INO80D: variants seen among roughly 807,000 people sequenced by gnomAD.
The protein encoded by INO80D is INO80 complex subunit D.
A neutral mutation model predicts 87.6 loss-of-function variants in INO80D; 21 were observed. That is an observed-to-expected ratio of 0.24 (90% CI 0.17 to 0.35). INO80D has a LOEUF of 0.35. Ranked by LOEUF, INO80D falls within the 10% of genes least tolerant of loss-of-function variation. The probability of loss-of-function intolerance (pLI) is 1.00; values close to 1 mark genes in which losing one functional copy is unlikely to be tolerated. For missense variants in INO80D, 982 were observed against 1,280.7 expected (o/e 0.77, Z 3.56); for synonymous variants, 440 against 491.0 (o/e 0.90, Z 1.37).
intron 8 of INO80D, among the ~76,000 whole-genome samples, chr2:206,016,725 C>T (rs193208332): frequency 1.8e-4 from 28 of 152,254 alleles, no homozygotes; most frequent in African/African-American, 5.3e-4. Context: ...AATTATGGGG[C>T]AGGTCTTTCC....
At chr2:206,034,839 GA>G (rs931381294) in intron 5 of INO80D, among the ~76,000 whole-genome samples, 1 of 152,046 alleles carries the variant, frequency 6.6e-6, no homozygotes, top group Non-Finnish European at 1.5e-5. Context: ...GTTTACCCTT[GA>G]AAACCATTAA....
chr2:206,036,878 A>G (rs918290711), intron 5 of INO80D, among the ~76,000 whole-genome samples: 6 of 152,206 alleles, frequency 3.9e-5, no homozygotes, highest in African/African-American at 1.4e-4. Flanking sequence ...ACAGACCAGT[A>G]ACAAGCAGTT....
chr2:206,010,519 T>C (rs1252540338), intron 8 of INO80D, among the ~76,000 whole-genome samples: 1 of 152,180 alleles, frequency 6.6e-6, no homozygotes, highest in Non-Finnish European at 1.5e-5. Flanking sequence ...TTTTCTTTCT[T>C]ATTGGCACAT....
chr2:206,010,975 G>A (rs1688158494), intron 8 of INO80D, among the ~76,000 whole-genome samples: 1 of 151,838 alleles, frequency 6.6e-6, no homozygotes, highest in Non-Finnish European at 1.5e-5. Context: ...CTACTTGGGA[G>A]GCTGAGGCAA....
intron 1 of INO80D, among the ~76,000 whole-genome samples, chr2:206,077,895 T>C (rs1203337634): frequency 3.3e-5 from 5 of 151,996 alleles, no homozygotes; most frequent in Non-Finnish European, 2.9e-5. Context: ...CAGTGAGTTC[T>C]TTTCTCTTGA....
At chr2:206,017,438 T>C (rs1057172681) in intron 8 of INO80D, among the ~76,000 whole-genome samples, 2 of 152,180 alleles carry the variant, frequency 1.3e-5, no homozygotes, top group South Asian at 4.1e-4. Flanking sequence ...TTCATGACAT[T>C]TGTAGAATTG....
At position 206,056,178 on chromosome 2, in the gene INO80D, C is replaced by T. The variant is rs753177510; in HGVS notation, c.964+20G>A. The stretch of plus-strand genomic sequence containing the variant: ...TTTGTCATATTATGTGTCTATGATA[C>T]GATAAAATAGATAACTCACCTAAAT... On this transcript the variant is annotated intron_variant, in intron 4 of 10. Transcript: ENST00000403263. 54 of 1,547,192 alleles carry T rather than the reference C, an allele frequency of 3.5e-5. 1 individual carries two copies. The South Asian group carries it at 5.8e-4, about 17-fold the overall frequency.
In INO80D at chr2:206,003,969, C is replaced by CTCTGT; in HGVS notation, c.*398_*399insACAGA. ...TATACAGGAACTCAATTAATAAGAT[C>CTCTGT]ATTCTATCTAGAACCACCTATGTAA... On this transcript the variant is annotated 3_prime_UTR_variant, in exon 11 of 11. Coordinates refer to ENST00000403263, the MANE Select transcript of INO80D (RefSeq NM_017759.5). 5.0e-6 allele frequency: 1 copy of CTCTGT among 198,808 alleles called. No individual in the cohort carries two copies. The highest frequency in any genetic ancestry group is 1.0e-5 in the Non-Finnish European group (1 of 95,374). The allele number at this position is 198,808 out of a possible 1,614,324, so 12.3% of individuals were successfully genotyped here. A position where few individuals can be genotyped will look rare whatever the true frequency, so the allele number is the denominator to read the frequency against.
intron 1 of INO80D, among the ~76,000 whole-genome samples, chr2:206,070,908 T>G (rs1341561749): frequency 4.3e-5 from 6 of 137,946 alleles, no homozygotes; most frequent in Non-Finnish European, 6.5e-5. Flanking sequence ...TTTTTTTTTT[T>G]GCATGTTGAC....
intron 1 of INO80D, among the ~76,000 whole-genome samples, chr2:206,064,638 T>C (rs1689767511): frequency 6.6e-6 from 1 of 152,182 alleles, no homozygotes; most frequent in Admixed American, 6.5e-5. Flanking sequence ...ACTGGAATGA[T>C]CAAATGATAC....
chr2:206,020,818 T>C (rs1575810076), intron 6 of INO80D, among the ~76,000 whole-genome samples: 1 of 152,028 alleles, frequency 6.6e-6, no homozygotes, highest in Non-Finnish European at 1.5e-5. Context: ...ATCCTTCCAG[T>C]TTCTTTACAC....
intron 1 of INO80D, among the ~76,000 whole-genome samples, chr2:206,077,199 C>T (rs560752862): frequency 4.2e-4 from 64 of 151,966 alleles, no homozygotes; most frequent in African/African-American, 1.5e-3. Flanking sequence ...ATGGTGTGAA[C>T]CCGGGAGTCG....
chr2:206,018,225 C>T (rs1332125109), intron 7 of INO80D, among the ~76,000 whole-genome samples: 3 of 152,186 alleles, frequency 2.0e-5, no homozygotes, highest in East Asian at 3.9e-4. Flanking sequence ...ACTGCCACCT[C>T]GGCCTCCCGG....
intron 1 of INO80D, among the ~76,000 whole-genome samples, chr2:206,069,601 C>T (rs1689907971): frequency 6.6e-6 from 1 of 152,044 alleles, no homozygotes; most frequent in African/African-American, 2.4e-5. Context: ...GGGGTTGGTA[C>T]CTATACTTTC....
rs1397502337 is a variant in INO80D at position 206,085,300 on chromosome 2, A to G, written c.-124+601T>C. Among the ~76,000 whole-genome samples, 1 of 150,268 alleles carries G rather than the reference A, an allele frequency of 6.7e-6. No homozygotes were observed. Among genetic ancestry groups the G allele is most frequent in the Non-Finnish European group, 1.5e-5 (1 of 67,360 alleles). On this transcript the variant is annotated intron_variant, in intron 1 of 10. Coordinates refer to ENST00000403263, the MANE Select transcript of INO80D (RefSeq NM_017759.5). The surrounding 1 kb of genome is among the most constrained non-coding windows in gnomAD (Gnocchi z 4.5). The stretch of plus-strand genomic sequence containing the variant: ...CGTCCGGAGCGCGGAGGAGGGGGAT[A>G]AATAAATTCAACTCTTACCGGAATC...
At position 206,046,547 on chromosome 2, in the gene INO80D, C is replaced by G; in HGVS notation, c.1030G>C (p.Val344Leu). ...AGGGTTTCCCGGATGGACCATGCAA[C>G]CTGGTAGGGCGAGGCCTGCTCTGAG... ...EDSEQASPYQ[V>L]AWSIRETLRY... The change falls in exon 5 of 11, where the codon GTT becomes CTT. Residue 344 changes from valine to leucine, a missense_variant. By Grantham distance (32) the Val-to-Leu change is conservative. Transcript: ENST00000403263. 1 of 1,613,804 alleles carries G rather than the reference C, an allele frequency of 6.2e-7. No homozygotes were observed. The highest frequency in any genetic ancestry group is 1.1e-5 in the South Asian group (1 of 91,088).
In INO80D at chr2:205,998,284, T is replaced by A. The variant is rs1687843330; in HGVS notation, c.*6084A>T. The A allele has an allele frequency of 6.6e-6, 1 of 152,082 alleles. No homozygotes were observed. 9.4% of individuals were successfully genotyped at this position (152,082 alleles called of 1,614,324 possible). ...ACAGATCATTTACTAAAGAACATGA[T>A]TCTCAACAGTTCTAGGAACAGTTAT... On this transcript the variant is annotated 3_prime_UTR_variant, in exon 11 of 11. Transcript: ENST00000403263.
rs1689711975 is a variant in INO80D at position 206,062,414 on chromosome 2, GA to G, written c.218+384del. On this transcript the variant is annotated intron_variant, in intron 3 of 10. Coordinates refer to ENST00000403263, the MANE Select transcript of INO80D (RefSeq NM_017759.5). The surrounding 1 kb of genome is among the most constrained non-coding windows in gnomAD (Gnocchi z 4.6). ...AAATTTCTCTCATTTAGGCAAATGA[GA>G]AAACTAGGTAGAAAAGTCAGGAATT... Among the ~76,000 whole-genome samples, 4 of 151,902 alleles carry G rather than the reference GA, an allele frequency of 2.6e-5. No homozygotes were observed.
chr2:206,085,297 G>A lies in INO80D; in HGVS notation c.-124+604C>T, dbSNP rs1179658465. Among the ~76,000 whole-genome samples, 2 of 151,422 alleles carry A rather than the reference G, an allele frequency of 1.3e-5. No homozygotes were observed. Among genetic ancestry groups the A allele is most frequent in the South Asian group, 4.2e-4 (2 of 4,776 alleles). The stretch of plus-strand genomic sequence containing the variant: ...GGCCGTCCGGAGCGCGGAGGAGGGG[G>A]ATAAATAAATTCAACTCTTACCGGA... On this transcript the variant is annotated intron_variant, in intron 1 of 10. Transcript: ENST00000403263. The surrounding 1 kb of genome is among the most constrained non-coding windows in gnomAD (Gnocchi z 4.5).
Sources: gnomAD v4.1 joint callset for allele counts (sites outside exome capture counted in the v4.1 genomes callset) on GRCh38, gnomAD v4.1.1 for gene constraint, Gnocchi (gnomAD v3.1) non-coding constraint, MANE v1.5 for transcripts, NCBI Gene and HGNC (gene_info 2026-07-23, HGNC 2026-07-21) for gene names.